The following ASTN2 variants were observed in gnomAD, a reference collection of about 807,000 sequenced individuals.
ASTN2 encodes astrotactin 2, also known as astrotactin-2.
Under a neutral mutation model 139.8 loss-of-function variants are expected in ASTN2, and 54 were observed. The ratio of observed to expected loss-of-function variants is 0.39; its 90% CI spans 0.31 to 0.48. The LOEUF (loss-of-function observed/expected upper bound fraction) is 0.48. Ranked by LOEUF, ASTN2 falls within the 20% of genes least tolerant of loss-of-function variation. The probability of loss-of-function intolerance (pLI) is 0.95; values close to 1 mark genes in which losing one functional copy is unlikely to be tolerated. For missense variants in ASTN2, 1,565 were observed against 1,725.1 expected, an observed-to-expected ratio of 0.91 and a Z score of 1.64; for synonymous variants, 756 against 719.5, an observed-to-expected ratio of 1.05 and a Z score of -0.81.
intron 19 of ASTN2, among the ~76,000 whole-genome samples, chr9:116,505,715 C>T (rs962938481): frequency 6.6e-6 from 1 of 152,146 alleles, no homozygotes; most frequent in Non-Finnish European, 1.5e-5. Context: ...ATTTTCATAT[C>T]CATCAACTCC....
intron 17 of ASTN2, among the ~76,000 whole-genome samples, chr9:116,643,138 T>G (rs1857420203): frequency 6.6e-6 from 1 of 152,152 alleles, no homozygotes; most frequent in Non-Finnish European, 1.5e-5. Flanking sequence ...GGGGACAGAG[T>G]AAGAGAACAT....
chr9:117,039,649 C>G (rs1588502351), intron 6 of ASTN2, among the ~76,000 whole-genome samples, 170 bp downstream of exon 6: 2 of 151,808 alleles, frequency 1.3e-5, no homozygotes, highest in Admixed American at 6.6e-5. Flanking sequence ...TCAAATAATC[C>G]AGATTACAAA....
chr9:117,267,029 T>C (rs1192563699), intron 2 of ASTN2, among the ~76,000 whole-genome samples: 71 of 152,214 alleles, frequency 4.7e-4, no homozygotes, highest in Admixed American at 4.6e-3. Flanking sequence ...AGCCACCACC[T>C]TGTACAAGTC....
At chr9:116,823,905 C>A (rs1048938152) in intron 11 of ASTN2, among the ~76,000 whole-genome samples, 1 of 152,112 alleles carries the variant, frequency 6.6e-6, no homozygotes, top group East Asian at 1.9e-4. Context: ...ATCTAGCCAT[C>A]GTTTGAAATT....
chr9:116,502,762 A>AGAAG (rs34208263), intron 19 of ASTN2, among the ~76,000 whole-genome samples: 534 of 45,916 alleles, frequency 0.012, 26 homozygotes, highest in Middle Eastern at 0.029. Flanking sequence ...AAGGAAGGAG[A>AGAAG]GAAGGAAGGA....
At chr9:116,918,135 T>A (rs1030543272) in intron 10 of ASTN2, among the ~76,000 whole-genome samples, 1 of 152,220 alleles carries the variant, frequency 6.6e-6, no homozygotes, top group Non-Finnish European at 1.5e-5. Context: ...CCCAGCCATG[T>A]GGAACTGTAA....
intron 11 of ASTN2, among the ~76,000 whole-genome samples, chr9:116,857,096 G>T (rs1832759917): frequency 6.6e-6 from 1 of 152,110 alleles, no homozygotes; most frequent in Non-Finnish European, 1.5e-5. Flanking sequence ...ATAATATCTG[G>T]CTCATATTAT....
chr9:116,802,276 C>T (rs1161777470), intron 13 of ASTN2, among the ~76,000 whole-genome samples: 7 of 151,870 alleles, frequency 4.6e-5, no homozygotes, highest in Admixed American at 3.9e-4. Context: ...TTAGTAGAGA[C>T]AGCATTTCAT....
intron 2 of ASTN2, among the ~76,000 whole-genome samples, chr9:117,283,895 G>A (rs1365554987): frequency 6.6e-6 from 1 of 151,590 alleles, no homozygotes; most frequent in Non-Finnish European, 1.5e-5. Flanking sequence ...GAAAGTAATG[G>A]TATTTCTCAA....
chr9:117,237,813 T>A (rs1223308213), intron 2 of ASTN2, among the ~76,000 whole-genome samples: 1 of 152,188 alleles, frequency 6.6e-6, no homozygotes. Flanking sequence ...ATGTGTGCCA[T>A]GCTCACAGTG....
In ASTN2 at chr9:116,425,191, C is replaced by G; in HGVS notation, c.*660G>C. The stretch of plus-strand genomic sequence containing the variant: ...AGTGAATAAACAGAGGTCTCTCAAG[C>G]ACATTCCCTTGGTAAGAAATACCAC... On this transcript the variant is annotated 3_prime_UTR_variant, in exon 23 of 23. Transcript: ENST00000313400. The G allele has an allele frequency of 3.9e-6, 1 of 254,960 alleles. No homozygotes were observed. Among genetic ancestry groups the G allele is most frequent in the Non-Finnish European group, 7.4e-6 (1 of 134,510 alleles). 15.8% of individuals were successfully genotyped at this position (254,960 alleles called of 1,614,324 possible).
chr9:117,070,867 C>T (rs1290918265), intron 5 of ASTN2, among the ~76,000 whole-genome samples: 29 of 150,610 alleles, frequency 1.9e-4, no homozygotes, highest in Non-Finnish European at 4.1e-4. Flanking sequence ...CCATCAGCTC[C>T]TTTAAGCACT....
intron 16 of ASTN2, among the ~76,000 whole-genome samples, chr9:116,659,311 A>G (rs1460568535): frequency 6.6e-6 from 1 of 152,152 alleles, no homozygotes; most frequent in East Asian, 1.9e-4. Flanking sequence ...TCACTGTTTG[A>G]TATCATGTAG....
chr9:116,610,847 G>C (rs1855499450), intron 19 of ASTN2: 1 of 151,890 alleles, frequency 6.6e-6, no homozygotes, highest in Admixed American at 6.6e-5. Context: ...GAAGAAATAA[G>C]TCCATAATCA....
At chr9:117,014,794 G>C (rs1248829815) in intron 6 of ASTN2, among the ~76,000 whole-genome samples, 1 of 152,102 alleles carries the variant, frequency 6.6e-6, no homozygotes, top group Non-Finnish European at 1.5e-5. Context: ...GGTACACATA[G>C]AGGAATGACC....
Position 116,528,078 on chromosome 9 carries a change from G to C in ASTN2, c.3356-40578C>G, listed in dbSNP as rs558446779. On this transcript the variant is annotated intron_variant, in intron 19 of 22. Coordinates refer to ENST00000313400, the MANE Select transcript of ASTN2 (RefSeq NM_001365068.1). ...GAAAACATGGAAGCAACTTTGGAAG[G>C]GGGTAACAGGCAGAAGTTGGAACAG... Among the ~76,000 whole-genome samples the C allele has an allele frequency of 1.3e-3, 192 of 152,280 alleles. 2 individuals carry two copies. The highest frequency in any genetic ancestry group is 0.012 in the South Asian group (60 of 4,824).
chr9:116,634,525 G>C (rs543367572), intron 17 of ASTN2, among the ~76,000 whole-genome samples: 14 of 147,334 alleles, frequency 9.5e-5, no homozygotes, highest in African/African-American at 2.8e-4. Flanking sequence ...GGGAGGCGGA[G>C]CTTGCAGTGA....
At chr9:117,250,776 T>C (rs1833515332) in intron 2 of ASTN2, among the ~76,000 whole-genome samples, 1 of 152,176 alleles carries the variant, frequency 6.6e-6, no homozygotes, top group African/African-American at 2.4e-5. Context: ...GTGCTTCAAA[T>C]GGGGAAACAC....
At chr9:116,501,928 T>A (rs1207110416) in intron 19 of ASTN2, among the ~76,000 whole-genome samples, 2 of 150,442 alleles carry the variant, frequency 1.3e-5, no homozygotes, top group African/African-American at 4.9e-5. Flanking sequence ...TCAGTTCTCC[T>A]CCATACTCGC....
Sources: allele counts gnomAD v4.1 joint callset (sites outside exome capture counted in the v4.1 genomes callset), GRCh38; gene constraint gnomAD v4.1.1; transcripts MANE v1.5; gene names NCBI Gene and HGNC (gene_info 2026-07-23, HGNC 2026-07-21).